SLC3A1: variants seen among roughly 807,000 people sequenced by gnomAD.
SLC3A1 encodes amino acid transporter heavy chain SLC3A1.
SLC3A1 carries 78 observed loss-of-function variants against 60.3 expected under a neutral mutation model. The observed-to-expected ratio is 1.29, with a 90% CI of 1.08 to 1.56. The LOEUF (loss-of-function observed/expected upper bound fraction) is 1.56. Ranked by LOEUF, SLC3A1 falls within the 40% of genes most tolerant of loss-of-function variation. The pLI, the probability that SLC3A1 is intolerant of heterozygous loss-of-function variation, is 0.00. For missense variants in SLC3A1, 1,172 were observed against 858.9 expected (o/e 1.36, Z -4.56); for synonymous variants, 392 against 307.9 (o/e 1.27, Z -2.86).
At position 44,320,837 on chromosome 2, in the gene SLC3A1, G is replaced by A. The variant is rs1672880678; in HGVS notation, c.*198G>A. On this transcript the variant is annotated 3_prime_UTR_variant, in exon 10 of 10. Transcript: ENST00000260649. The stretch of plus-strand genomic sequence containing the variant: ...GTTTAAAAGTAAATTATGGCTTATA[G>A]GAGCTTATAACTTTATTCAGATAGC... 1 of 601,242 alleles carries A rather than the reference G, an allele frequency of 1.7e-6. No homozygotes were observed. The highest frequency in any genetic ancestry group is 4.5e-4 in the Middle Eastern group (1 of 2,198). 37.2% of individuals were successfully genotyped at this position (601,242 alleles called of 1,614,324 possible). A position where few individuals can be genotyped will look rare whatever the true frequency, so the allele number is the denominator to read the frequency against.
intron 4 of SLC3A1, among the ~76,000 whole-genome samples, chr2:44,293,355 A>G (rs1348136984): frequency 6.6e-6 from 1 of 152,032 alleles, no homozygotes; most frequent in Non-Finnish European, 1.5e-5. Context: ...CATCTCTCCT[A>G]AAAATACAAA....
chr2:44,321,477 A>C lies in SLC3A1; in HGVS notation c.*838A>C, dbSNP rs769511670. On this transcript the variant is annotated 3_prime_UTR_variant, in exon 10 of 10. Transcript: ENST00000260649. ...GAAACACATTAAAAAAATTAAATAG[A>C]AGGCCTTTGTAGTAAAATGCCACTG... 6.3e-7 allele frequency: 1 copy of C among 1,596,870 alleles called. No homozygotes were observed. The highest frequency in any genetic ancestry group is 1.1e-5 in the South Asian group (1 of 89,678).
At chr2:44,307,055 A>T (rs1459862073) in intron 7 of SLC3A1, among the ~76,000 whole-genome samples, 1 of 152,118 alleles carries the variant, frequency 6.6e-6, no homozygotes, top group Non-Finnish European at 1.5e-5. Flanking sequence ...TTCCGTGTCT[A>T]TGGATTTGCC....
At chr2:44,313,080 G>A (rs59238362) in intron 8 of SLC3A1, among the ~76,000 whole-genome samples, 1,804 of 151,996 alleles carry the variant, frequency 0.012, 25 homozygotes, top group African/African-American at 0.038. Flanking sequence ...TTGGAGAACC[G>A]GTGGTTTAGT....
intron 6 of SLC3A1, among the ~76,000 whole-genome samples, chr2:44,302,539 G>A (rs1303617044): frequency 1.3e-5 from 2 of 152,144 alleles, no homozygotes; most frequent in African/African-American, 4.8e-5. Context: ...GGCAGCTATG[G>A]GATTTGAACT....
At chr2:44,283,900 G>A (rs1463761445) in intron 3 of SLC3A1, among the ~76,000 whole-genome samples, 1 of 149,308 alleles carries the variant, frequency 6.7e-6, no homozygotes, top group East Asian at 1.9e-4. Context: ...ATTTATTCAT[G>A]TAACTTCAGG....
intron 5 of SLC3A1, 95 bp downstream of exon 5, chr2:44,300,185 A>G (rs954819750): frequency 1.5e-6 from 2 of 1,313,222 alleles, no homozygotes; most frequent in African/African-American, 1.5e-5. Flanking sequence ...TACAAAGATG[A>G]GTTTTGTCCT....
At chr2:44,304,624 C>CA (rs1473813503) in intron 7 of SLC3A1, among the ~76,000 whole-genome samples, 1 of 152,042 alleles carries the variant, frequency 6.6e-6, no homozygotes, top group African/African-American at 2.4e-5. Flanking sequence ...CCACATATCT[C>CA]AGAGTTTATG....
chr2:44,312,958 C>G (rs1200990499), intron 8 of SLC3A1, among the ~76,000 whole-genome samples: 3 of 151,820 alleles, frequency 2.0e-5, no homozygotes, highest in Non-Finnish European at 1.5e-5. Flanking sequence ...TGGAGCCATA[C>G]AACTAAAAGT....
chr2:44,283,204 T>C (rs1404958599), intron 3 of SLC3A1, among the ~76,000 whole-genome samples: 2 of 152,164 alleles, frequency 1.3e-5, no homozygotes, highest in Non-Finnish European at 2.9e-5. Flanking sequence ...ACACTCAGAA[T>C]TGATATATTT....
chr2:44,311,424 A>T (rs767244815), intron 7 of SLC3A1, among the ~76,000 whole-genome samples: 1 of 151,936 alleles, frequency 6.6e-6, no homozygotes, highest in Non-Finnish European at 1.5e-5. Flanking sequence ...TATGAGCCAT[A>T]TTTTCCTGTT....
chr2:44,299,411 A>G lies in SLC3A1; in HGVS notation c.892-560A>G, dbSNP rs17032092. ...TGAGTTTTACCACAGGATCGTCACTATTCTTAGTTATTTACTTGGTTGATG... is the reference window on the plus strand; with the variant it reads ...TGAGTTTTACCACAGGATCGTCACTGTTCTTAGTTATTTACTTGGTTGATG... On this transcript the variant is annotated intron_variant, in intron 4 of 9. Transcript: ENST00000260649. Among the ~76,000 whole-genome samples the G allele has an allele frequency of 5.0e-3, 756 of 152,250 alleles. 7 individuals are homozygous for G. Among genetic ancestry groups the G allele is most frequent in the African/African-American group, 0.017 (722 of 41,546 alleles).
At chr2:44,310,090 T>C (rs986120091) in intron 7 of SLC3A1, among the ~76,000 whole-genome samples, 1 of 152,126 alleles carries the variant, frequency 6.6e-6, no homozygotes, top group African/African-American at 2.4e-5. Context: ...GATGGGGTTT[T>C]GCCATGTTGT....
At chr2:44,314,129 C>CA in intron 9 of SLC3A1, 178 bp downstream of exon 9, 1 of 1,417,104 alleles carries the variant, frequency 7.1e-7, no homozygotes, top group South Asian at 1.3e-5. Flanking sequence ...TGTGAAAATA[C>CA]AAACTGGTAC....
downstream of SLC3A1, chr2:44,321,817 G>C (rs1295732711): frequency 2.5e-6 from 4 of 1,613,800 alleles, no homozygotes; most frequent in Non-Finnish European, 3.4e-6. Context: ...AGAGGGCCTT[G>C]ATAACATACC....
intron 9 of SLC3A1, chr2:44,315,124 G>GT (rs1326892256): frequency 6.6e-6 from 1 of 151,750 alleles, no homozygotes; most frequent in East Asian, 1.9e-4. Flanking sequence ...TGTATTTTTA[G>GT]TGGAGACGGG....
intron 9 of SLC3A1, among the ~76,000 whole-genome samples, chr2:44,316,827 C>G (rs1464946122): frequency 6.6e-6 from 1 of 152,198 alleles, no homozygotes; most frequent in African/African-American, 2.4e-5. Flanking sequence ...CAAGGACCCA[C>G]ATTTTACCAT....
intron 7 of SLC3A1, among the ~76,000 whole-genome samples, chr2:44,308,824 C>T (rs111830771): frequency 1.3e-5 from 2 of 151,876 alleles, no homozygotes; most frequent in African/African-American, 4.8e-5. Context: ...GCTCCGCCTC[C>T]CGGGTTCATG....
At chr2:44,311,824 G>A (rs72802988) in intron 7 of SLC3A1, among the ~76,000 whole-genome samples, 13,165 of 151,896 alleles carry the variant, frequency 0.087, 627 homozygotes, top group Non-Finnish European at 0.11. Flanking sequence ...ACTACTACTT[G>A]AATAAATGAT....
Sources: gnomAD v4.1 joint callset for allele counts (sites outside exome capture counted in the v4.1 genomes callset) on GRCh38, gnomAD v4.1.1 for gene constraint, MANE v1.5 for transcripts, NCBI Gene and HGNC (gene_info 2026-07-23, HGNC 2026-07-21) for gene names.